The following EGF variants were observed in gnomAD, a reference collection of about 807,000 sequenced individuals.
EGF encodes the protein epidermal growth factor.
Under a neutral mutation model 143.8 loss-of-function variants are expected in EGF, and 95 were observed. That is an observed-to-expected ratio of 0.66 (90% CI 0.56 to 0.78). EGF has a LOEUF of 0.78. Ranked by LOEUF, EGF falls within the 30% of genes least tolerant of loss-of-function variation. The probability of loss-of-function intolerance (pLI) is 0.00; values close to 1 mark genes in which losing one functional copy is unlikely to be tolerated. For synonymous variants in EGF, 510 were observed against 510.5 expected (o/e 1.00, Z 0.01); for missense variants, 1,320 against 1,470.9 (o/e 0.90, Z 1.68).
chr4:110,011,533 A>G lies in EGF; in HGVS notation c.*78A>G. On this transcript the variant is annotated 3_prime_UTR_variant, in exon 24 of 24. Transcript: ENST00000265171. ...ATCTTTTCTTTCAAAAGTAGAGCAA[A>G]ACTATAGGTTTTGGTTCCACAATCT... 1 of 1,609,174 alleles carries G rather than the reference A, an allele frequency of 6.2e-7. No homozygotes were observed. Among genetic ancestry groups the G allele is most frequent in the Non-Finnish European group, 8.5e-7 (1 of 1,178,116 alleles).
chr4:109,968,223 T>G (rs1048116401), intron 10 of EGF, among the ~76,000 whole-genome samples: 4 of 152,174 alleles, frequency 2.6e-5, no homozygotes, highest in Admixed American at 6.5e-5. Flanking sequence ...GGCATCTGAT[T>G]GAATATAAGA....
chr4:109,956,944 G>A (rs968199263), intron 5 of EGF, among the ~76,000 whole-genome samples: 2 of 152,298 alleles, frequency 1.3e-5, no homozygotes, highest in African/African-American at 4.8e-5. Flanking sequence ...TTCTGAAAGT[G>A]TGGTGTGAAG....
chr4:109,954,663 C>T (rs6844856), intron 5 of EGF, among the ~76,000 whole-genome samples: 2,223 of 152,156 alleles, frequency 0.015, 54 homozygotes, highest in African/African-American at 0.049. Context: ...AATATAGCCA[C>T]GTTTTTATAG....
intron 1 of EGF, among the ~76,000 whole-genome samples, 168 bp downstream of exon 1, chr4:109,913,630 G>A (rs1736087854): frequency 6.6e-6 from 1 of 152,170 alleles, no homozygotes; most frequent in Admixed American, 6.5e-5. Context: ...GGCCATTAGA[G>A]CTAATCTGCT....
chr4:110,004,242 A>C (rs1752957328), intron 21 of EGF: 1 of 485,090 alleles, frequency 2.1e-6, no homozygotes, highest in Admixed American at 3.1e-5. Context: ...ACACACACAC[A>C]CACACACACA....
chr4:109,952,155 C>T (rs1377454667), intron 5 of EGF, among the ~76,000 whole-genome samples: 1 of 152,176 alleles, frequency 6.6e-6, no homozygotes, highest in Non-Finnish European at 1.5e-5. Flanking sequence ...CATTTTTGTA[C>T]ACATCTTAAT....
At chr4:109,972,808 G>A (rs914930373) in intron 11 of EGF, among the ~76,000 whole-genome samples, 1 of 152,170 alleles carries the variant, frequency 6.6e-6, no homozygotes, top group South Asian at 2.1e-4. Flanking sequence ...TGTGCATAGA[G>A]CACTGTGCAT....
chr4:109,975,208 CTG>C (rs1748301379), intron 12 of EGF, among the ~76,000 whole-genome samples: 1 of 152,216 alleles, frequency 6.6e-6, no homozygotes, highest in East Asian at 1.9e-4. Flanking sequence ...AAAACAGAAA[CTG>C]TGAAAGGTTA....
At position 109,985,653 on chromosome 4, in the gene EGF, G is replaced by T. The variant is rs931550910; in HGVS notation, c.2492-2091G>T. Among the ~76,000 whole-genome samples the T allele has an allele frequency of 6.6e-5, 10 of 152,276 alleles. No individual in the cohort carries two copies. In the East Asian group the frequency reaches 1.9e-3, roughly 29 times the overall value. On this transcript the variant is annotated intron_variant, in intron 16 of 23. Coordinates refer to ENST00000265171, the MANE Select transcript of EGF (RefSeq NM_001963.6). ...AGAAAGCCTTTCCTAGTTCCTGACC[G>T]GGCTAGGGCTGCCTATTACAGCTCT...
chr4:109,942,685 A>G (rs1288250554), intron 2 of EGF, among the ~76,000 whole-genome samples: 1 of 152,196 alleles, frequency 6.6e-6, no homozygotes, highest in Non-Finnish European at 1.5e-5. Context: ...TTGGGAATAC[A>G]GCCAAAGGTG....
At chr4:110,008,282 G>T in intron 23 of EGF, 52 bp downstream of exon 23, 1 of 1,601,798 alleles carries the variant, frequency 6.2e-7, no homozygotes, top group South Asian at 1.1e-5. Flanking sequence ...CTTAGATCCT[G>T]ACTGTTTTTC....
chr4:109,953,551 A>G (rs981558103), intron 5 of EGF, among the ~76,000 whole-genome samples: 2 of 152,222 alleles, frequency 1.3e-5, no homozygotes, highest in East Asian at 3.8e-4. Flanking sequence ...CTAACCTTCC[A>G]GTATCCTCCA....
chr4:109,940,011 A>G (rs533738807), intron 1 of EGF, among the ~76,000 whole-genome samples: 6 of 152,296 alleles, frequency 3.9e-5, no homozygotes, highest in South Asian at 4.1e-4. Context: ...TGATGTAACT[A>G]ATTTCATCCT....
chr4:109,982,911 C>T (rs1159214439), intron 15 of EGF, among the ~76,000 whole-genome samples: 2 of 152,120 alleles, frequency 1.3e-5, no homozygotes, highest in African/African-American at 4.8e-5. Context: ...ATCCATTTCT[C>T]CCCTGTTCTG....
chr4:109,995,947 A>T (rs1751737803), intron 20 of EGF, among the ~76,000 whole-genome samples: 1 of 152,208 alleles, frequency 6.6e-6, no homozygotes, highest in Non-Finnish European at 1.5e-5. Flanking sequence ...CTCAGTCCTT[A>T]TAGAATTCTG....
chr4:109,958,906 A>G (rs1253172417), intron 5 of EGF, among the ~76,000 whole-genome samples: 1 of 132,548 alleles, frequency 7.5e-6, no homozygotes, highest in East Asian at 2.3e-4. Context: ...TGACAGGGGG[A>G]GACCCTGTCT....
chr4:109,976,376 T>A (rs917486548), intron 13 of EGF, 141 bp downstream of exon 13: 3 of 786,650 alleles, frequency 3.8e-6, no homozygotes, highest in Non-Finnish European at 4.4e-6. Flanking sequence ...CAGGGAATCA[T>A]GAGCTGCAAA....
intron 1 of EGF, among the ~76,000 whole-genome samples, chr4:109,926,623 C>T (rs1738717482): frequency 1.3e-5 from 2 of 152,132 alleles, no homozygotes; most frequent in African/African-American, 2.4e-5. Flanking sequence ...TCCCAAAGTG[C>T]TGGGATTACT....
intron 10 of EGF, chr4:109,968,698 A>ACC (rs1418392093): frequency 6.3e-5 from 27 of 425,290 alleles, no homozygotes; most frequent in East Asian, 2.7e-4. Flanking sequence ...CTATCTATCT[A>ACC]TCTATCTATC....
Sources: gnomAD v4.1 joint callset for allele counts (sites outside exome capture counted in the v4.1 genomes callset) on GRCh38, gnomAD v4.1.1 for gene constraint, MANE v1.5 for transcripts, NCBI Gene and HGNC (gene_info 2026-07-23, HGNC 2026-07-21) for gene names.